Variants in CHSY3 observed in about 807,000 individuals in gnomAD.
The protein encoded by CHSY3 is N-acetylgalactosaminyl-proteoglycan 3-beta-glucuronosyltransferase 3.
In CHSY3, 35 loss-of-function variants were observed where a neutral mutation model predicts 67.2. The observed-to-expected ratio is 0.52, with a 90% CI of 0.40 to 0.69. The LOEUF is 0.69. CHSY3 is among the 30% of genes least tolerant of loss of function. CHSY3 has a pLI of 0.00. For synonymous variants in CHSY3, 474 were observed against 434.7 expected, an observed-to-expected ratio of 1.09 and a Z score of -1.12; for missense variants, 1,069 against 1,138.5, an observed-to-expected ratio of 0.94 and a Z score of 0.88.
intron 2 of CHSY3, among the ~76,000 whole-genome samples, chr5:129,966,655 A>G (rs1360070087): frequency 1.3e-5 from 2 of 151,808 alleles, no homozygotes; most frequent in African/African-American, 2.4e-5. Flanking sequence ...ATAGACCTCT[A>G]CAAATTTGGC....
At chr5:129,953,368 C>G (rs1333311764) in intron 2 of CHSY3, among the ~76,000 whole-genome samples, 3 of 152,116 alleles carry the variant, frequency 2.0e-5, no homozygotes, top group African/African-American at 4.8e-5. Flanking sequence ...TTTTCTTTAT[C>G]CAGTCTAACA....
chr5:130,060,502 C>T (rs530538451), intron 2 of CHSY3, among the ~76,000 whole-genome samples: 23 of 152,148 alleles, frequency 1.5e-4, no homozygotes, highest in Admixed American at 6.6e-4. Context: ...AGAACTGGAA[C>T]GAGACAAGGA....
At chr5:129,922,019 C>A (rs1256290171) in intron 2 of CHSY3, among the ~76,000 whole-genome samples, 1 of 152,166 alleles carries the variant, frequency 6.6e-6, no homozygotes, top group African/African-American at 2.4e-5. Flanking sequence ...CCTCTGGCAA[C>A]CATCATTCTA....
chr5:130,044,669 T>C (rs1020492117), intron 2 of CHSY3, among the ~76,000 whole-genome samples: 2 of 151,768 alleles, frequency 1.3e-5, no homozygotes, highest in Non-Finnish European at 2.9e-5. Context: ...ATAGTCAGAG[T>C]GAGATATGTA....
intron 2 of CHSY3, among the ~76,000 whole-genome samples, chr5:130,130,864 A>G (rs762406021): frequency 2.6e-4 from 39 of 152,232 alleles, no homozygotes; most frequent in Non-Finnish European, 4.3e-4. Flanking sequence ...TCCCTGTATC[A>G]TGTTTCCTGC....
chr5:130,121,200 G>A (rs1308395070), intron 2 of CHSY3, among the ~76,000 whole-genome samples: 1 of 152,156 alleles, frequency 6.6e-6, no homozygotes, highest in Admixed American at 6.5e-5. Flanking sequence ...TCTGGGTACC[G>A]ATGCTGCTGA....
At chr5:130,019,754 A>G (rs375994304) in intron 2 of CHSY3, among the ~76,000 whole-genome samples, 4 of 152,314 alleles carry the variant, frequency 2.6e-5, no homozygotes, top group East Asian at 3.9e-4. Context: ...GTGTAGCTGC[A>G]TCAGTTTGAG....
At chr5:130,093,315 C>T (rs1421956920) in intron 2 of CHSY3, among the ~76,000 whole-genome samples, 1 of 152,038 alleles carries the variant, frequency 6.6e-6, no homozygotes, top group African/African-American at 2.4e-5. Context: ...TACAATAATG[C>T]ATATTATCTT....
At chr5:129,910,988 T>A (rs1760522331) in intron 2 of CHSY3, among the ~76,000 whole-genome samples, 1 of 151,626 alleles carries the variant, frequency 6.6e-6, no homozygotes, top group Non-Finnish European at 1.5e-5. Context: ...GATTTTTTTT[T>A]TTTTTTTTGG....
intron 2 of CHSY3, among the ~76,000 whole-genome samples, chr5:130,136,879 A>G (rs1028867095): frequency 2.0e-5 from 3 of 152,158 alleles, no homozygotes; most frequent in African/African-American, 7.2e-5. Flanking sequence ...ATCATCACCA[A>G]TAAGTGAGTC....
At chr5:130,183,661 G>A (rs1421362520) in intron 2 of CHSY3, among the ~76,000 whole-genome samples, 1 of 152,060 alleles carries the variant, frequency 6.6e-6, no homozygotes, top group Non-Finnish European at 1.5e-5. Context: ...CTATGAACCT[G>A]ACATTTGTGC....
At chr5:130,121,676 A>G (rs1195027457) in intron 2 of CHSY3, among the ~76,000 whole-genome samples, 1 of 152,134 alleles carries the variant, frequency 6.6e-6, no homozygotes, top group Non-Finnish European at 1.5e-5. Flanking sequence ...TATACTTGAA[A>G]CCATTCATTT....
chr5:130,151,690 C>G (rs1400383929), intron 2 of CHSY3, among the ~76,000 whole-genome samples: 3 of 152,118 alleles, frequency 2.0e-5, no homozygotes, highest in African/African-American at 7.2e-5. Flanking sequence ...AAGTGTCAAG[C>G]AAACGGAGAA....
chr5:130,107,491 T>G (rs563367078), intron 2 of CHSY3, among the ~76,000 whole-genome samples: 28 of 151,518 alleles, frequency 1.8e-4, no homozygotes, highest in African/African-American at 6.8e-4. Context: ...TCAAATTTAT[T>G]TTAATATATA....
intron 2 of CHSY3, among the ~76,000 whole-genome samples, chr5:130,026,897 G>A (rs892788293): frequency 2.6e-5 from 4 of 151,794 alleles, no homozygotes; most frequent in South Asian, 2.1e-4. Context: ...TTTTCCCAAC[G>A]GCCATGTGTG....
intron 2 of CHSY3, among the ~76,000 whole-genome samples, chr5:130,147,242 C>T (rs1256464181): frequency 6.6e-6 from 1 of 152,112 alleles, no homozygotes; most frequent in Non-Finnish European, 1.5e-5. Context: ...TGGAGACTGC[C>T]AGCCATGATA....
intron 2 of CHSY3, among the ~76,000 whole-genome samples, chr5:129,970,634 G>A (rs1434927298): frequency 6.6e-6 from 1 of 151,836 alleles, no homozygotes; most frequent in African/African-American, 2.4e-5. Flanking sequence ...TTGTTTTTCT[G>A]AAATGCTGTA....
chr5:130,154,902 G>C (rs1769328141), intron 2 of CHSY3, among the ~76,000 whole-genome samples: 1 of 152,156 alleles, frequency 6.6e-6, no homozygotes, highest in Admixed American at 6.5e-5. Context: ...CTTGCATCCA[G>C]ATCACCTGGG....
At chr5:129,989,813 G>T (rs1262876922) in intron 2 of CHSY3, among the ~76,000 whole-genome samples, 1 of 152,178 alleles carries the variant, frequency 6.6e-6, no homozygotes, top group Non-Finnish European at 1.5e-5. Flanking sequence ...GTAAGTTAAT[G>T]AGCAGGGTTT....
Sources: allele counts gnomAD v4.1 joint callset (sites outside exome capture counted in the v4.1 genomes callset), GRCh38; gene constraint gnomAD v4.1.1; transcripts MANE v1.5; gene names NCBI Gene and HGNC (gene_info 2026-07-23, HGNC 2026-07-21).